NDUFAF7: variants seen among roughly 807,000 people sequenced by gnomAD.
NDUFAF7 encodes NADH:ubiquinone oxidoreductase complex assembly factor 7, also known as protein arginine methyltransferase NDUFAF7, mitochondrial.
A neutral mutation model predicts 47.2 loss-of-function variants in NDUFAF7; 48 were observed. The ratio of observed to expected loss-of-function variants is 1.02; its 90% CI spans 0.81 to 1.29. The LOEUF (loss-of-function observed/expected upper bound fraction) is 1.29, where lower values mean the gene tolerates loss of function less well. Among genes scored for constraint, NDUFAF7 ranks in the 50% most tolerant of loss-of-function variants. The pLI, the probability that NDUFAF7 is intolerant of heterozygous loss-of-function variation, is 0.00. For synonymous variants in NDUFAF7, 217 were observed against 190.0 expected (o/e 1.14, Z -1.17); for missense variants, 635 against 537.6 (o/e 1.18, Z -1.79).
Position 37,246,201 on chromosome 2 carries a change from T to C in NDUFAF7, c.936+6T>C. 6.2e-7 allele frequency: 1 copy of C among 1,613,606 alleles called. No homozygotes were observed. Among genetic ancestry groups the C allele is most frequent in the Non-Finnish European group, 8.5e-7 (1 of 1,179,644 alleles). On this transcript the variant is annotated splice_donor_region_variant and intron_variant, in intron 8 of 9. Transcript: ENST00000002125. ...CAAAGACAGATACCTTCAGAGTATG[T>C]ATAATTCAGTAACATGATTTATCAG... is the stretch of plus-strand genomic sequence containing the variant.
intron 2 of NDUFAF7, among the ~76,000 whole-genome samples, chr2:37,235,394 C>G (rs1257982786): frequency 6.6e-6 from 1 of 152,048 alleles, no homozygotes. Context: ...AGAAACAGAA[C>G]ATCACCAGCA....
downstream of NDUFAF7, among the ~76,000 whole-genome samples, chr2:37,257,953 C>T (rs1451245706): frequency 2.0e-5 from 3 of 152,130 alleles, no homozygotes; most frequent in Non-Finnish European, 4.4e-5. Context: ...CTACCACATC[C>T]TCTCAAAAGA....
the NDUFAF7 span, chr2:37,259,708 AAT>A: frequency 6.6e-7 from 1 of 1,511,592 alleles, no homozygotes. Context: ...TTTTCTTTTC[AAT>A]GTCTGGAAAA....
downstream of NDUFAF7, among the ~76,000 whole-genome samples, chr2:37,258,102 T>C (rs568309140): frequency 3.9e-5 from 6 of 152,268 alleles, no homozygotes; most frequent in South Asian, 1.0e-3. Flanking sequence ...CTGGAGGAAA[T>C]GCTCTGACTT....
intron 3 of NDUFAF7, among the ~76,000 whole-genome samples, chr2:37,237,057 GC>G (rs1485786401): frequency 1.3e-5 from 2 of 152,186 alleles, no homozygotes; most frequent in Non-Finnish European, 1.5e-5. Flanking sequence ...TGTAACCTCT[GC>G]TTCCCGGGTT....
At chr2:37,267,836 G>A in the NDUFAF7 span, 1 of 284,746 alleles carries the variant, frequency 3.5e-6, no homozygotes, top group East Asian at 9.6e-5. Flanking sequence ...CCCTGACCTA[G>A]TCCTTCAGAG....
the NDUFAF7 span, among the ~76,000 whole-genome samples, chr2:37,267,185 G>A: frequency 6.6e-6 from 1 of 152,100 alleles, no homozygotes; most frequent in Non-Finnish European, 1.5e-5. Context: ...ATGTGGCAAA[G>A]TATCCTAAGT....
chr2:37,267,310 T>G, the NDUFAF7 span: 4 of 619,898 alleles, frequency 6.5e-6, no homozygotes, highest in South Asian at 7.0e-5. Context: ...GCAGTCCCTA[T>G]AATGCCTATA....
the NDUFAF7 span, among the ~76,000 whole-genome samples, chr2:37,259,854 A>C: frequency 6.6e-6 from 1 of 152,174 alleles, no homozygotes; most frequent in Non-Finnish European, 1.5e-5. Context: ...AACATGTAAA[A>C]GTACTGCTAT....
chr2:37,252,146 A>G (rs1382912457), downstream of NDUFAF7: 2 of 152,190 alleles, frequency 1.3e-5, no homozygotes, highest in Non-Finnish European at 1.5e-5. Context: ...TGACTTTAAA[A>G]CACTCCAGAT....
In NDUFAF7 at chr2:37,231,972, T is replaced by G. The variant is rs905520157; in HGVS notation, c.56-134T>G. Reference sequence around the variant, plus strand: ...CTGTCTCTGCGCCCCGTGGGCGTGCTAAGCACAGTAGCCCGCGGTCTGCGG... The same window carrying G: ...CTGTCTCTGCGCCCCGTGGGCGTGCGAAGCACAGTAGCCCGCGGTCTGCGG... On this transcript the variant is annotated intron_variant, in intron 1 of 9. Transcript: ENST00000002125. 6.2e-6 allele frequency: 10 copies of G among 1,601,038 alleles called. No homozygotes were observed. In the Admixed American group the frequency reaches 1.5e-4, roughly 24 times the overall value.
chr2:37,236,296 T>A (rs1356811751), intron 3 of NDUFAF7, 120 bp downstream of exon 3: 5 of 858,200 alleles, frequency 5.8e-6, no homozygotes, highest in Non-Finnish European at 9.9e-6. Context: ...GTTTTAACTT[T>A]ATAGTAGTTT....
downstream of NDUFAF7, chr2:37,252,832 A>AT (rs1667601880): frequency 1.7e-5 from 2 of 115,090 alleles, no homozygotes; most frequent in Admixed American, 2.2e-4. Context: ...AAAACAAACA[A>AT]ACATATATTT....
At chr2:37,244,840 A>G (rs1480699929) in intron 7 of NDUFAF7, among the ~76,000 whole-genome samples, 1 of 152,224 alleles carries the variant, frequency 6.6e-6, no homozygotes, top group Non-Finnish European at 1.5e-5. Flanking sequence ...CCTGAATGAC[A>G]TATTCATAGA....
At chr2:37,260,589 G>A in the NDUFAF7 span, among the ~76,000 whole-genome samples, 16 of 152,048 alleles carry the variant, frequency 1.1e-4, no homozygotes, top group Non-Finnish European at 1.5e-4. Context: ...CGCACTGAGG[G>A]GATAGAATGT....
the NDUFAF7 span, chr2:37,268,365 T>G: frequency 6.4e-6 from 3 of 470,654 alleles, no homozygotes; most frequent in Non-Finnish European, 1.3e-5. Context: ...CTCTTAAAAC[T>G]GACAAATCTG....
downstream of NDUFAF7, among the ~76,000 whole-genome samples, chr2:37,257,924 G>T (rs1334052101): frequency 6.6e-6 from 1 of 152,114 alleles, no homozygotes; most frequent in Non-Finnish European, 1.5e-5. Context: ...ACAGTTATAT[G>T]TAAAGGGAGC....
intron 5 of NDUFAF7, chr2:37,242,058 A>G: frequency 2.0e-6 from 1 of 497,014 alleles, no homozygotes; most frequent in Non-Finnish European, 3.6e-6. Flanking sequence ...ATTTCCCTAT[A>G]GCTAGGGTTG....
At chr2:37,267,096 C>CT in the NDUFAF7 span, among the ~76,000 whole-genome samples, 7 of 152,128 alleles carry the variant, frequency 4.6e-5, no homozygotes. Flanking sequence ...TTAAAGCAAT[C>CT]TTTACTTGCA....
Sources: allele counts gnomAD v4.1 joint callset (sites outside exome capture counted in the v4.1 genomes callset), GRCh38; gene constraint gnomAD v4.1.1; transcripts MANE v1.5; gene names NCBI Gene and HGNC (gene_info 2026-07-23, HGNC 2026-07-21).